Variants in RYK observed in about 807,000 individuals in gnomAD.
The protein encoded by RYK is receptor like tyrosine kinase, also known as inactive tyrosine-protein kinase RYK.
In RYK, 21 loss-of-function variants were observed where a neutral mutation model predicts 70.2. The observed-to-expected ratio is 0.30, with a 90% CI of 0.21 to 0.43. The LOEUF is 0.43. Ranked by LOEUF, RYK falls within the 20% of genes least tolerant of loss-of-function variation. The pLI is 1.00. For missense variants in RYK, 604 were observed against 753.3 expected, an observed-to-expected ratio of 0.80 and a Z score of 2.32; for synonymous variants, 267 against 278.0, an observed-to-expected ratio of 0.96 and a Z score of 0.39.
At chr3:134,194,269 A>G (rs2013743640) in intron 7 of RYK, among the ~76,000 whole-genome samples, 1 of 152,196 alleles carries the variant, frequency 6.6e-6, no homozygotes, top group Admixed American at 6.5e-5. Flanking sequence ...CACCTCTCAT[A>G]ATGAACAATT....
chr3:134,174,268 C>T (rs540823825), intron 13 of RYK, among the ~76,000 whole-genome samples: 2 of 152,074 alleles, frequency 1.3e-5, no homozygotes, highest in African/African-American at 4.8e-5. Context: ...AAGTGAACCA[C>T]GAGAGACTAT....
chr3:134,207,327 A>G, intron 5 of RYK, 145 bp downstream of exon 5: 1 of 452,932 alleles, frequency 2.2e-6, no homozygotes, highest in Non-Finnish European at 3.9e-6. Flanking sequence ...CCTATCCACC[A>G]GTCTACAAAG....
intron 9 of RYK, among the ~76,000 whole-genome samples, chr3:134,186,067 G>A (rs1321776467): frequency 6.6e-6 from 1 of 152,050 alleles, no homozygotes; most frequent in Non-Finnish European, 1.5e-5. Flanking sequence ...AAGTTACAAG[G>A]ATGCACAAAA....
At chr3:134,214,022 G>A (rs958464528) in intron 2 of RYK, among the ~76,000 whole-genome samples, 4 of 152,032 alleles carry the variant, frequency 2.6e-5, no homozygotes, top group Non-Finnish European at 4.4e-5. Context: ...GGCCAGGATG[G>A]TCTCGAACTC....
At chr3:134,206,608 A>G (rs192008664) in intron 5 of RYK, among the ~76,000 whole-genome samples, 8 of 152,310 alleles carry the variant, frequency 5.3e-5, no homozygotes, top group Admixed American at 5.2e-4. Flanking sequence ...TATATGTGAT[A>G]AATCAAAATG....
At position 134,164,772 on chromosome 3, in the gene RYK, G is replaced by A. The variant is rs147600688; in HGVS notation, c.1576-5399C>T. ...TCTAAGAGCAAAATGACTGAATATG[G>A]TACATACATATTTAACATTTTAAGA... On this transcript the variant is annotated intron_variant, in intron 13 of 14. Transcript: ENST00000623711. Among the ~76,000 whole-genome samples, 171 of 152,318 alleles carry A rather than the reference G, an allele frequency of 1.1e-3. 1 individual carries two copies. Among genetic ancestry groups the A allele is most frequent in the African/African-American group, 3.5e-3 (145 of 41,564 alleles).
intron 1 of RYK, among the ~76,000 whole-genome samples, chr3:134,243,427 A>C (rs1401568593): frequency 6.6e-6 from 1 of 152,104 alleles, no homozygotes; most frequent in East Asian, 1.9e-4. Flanking sequence ...ACTGGGGCCA[A>C]AGTTATCTTC....
intron 6 of RYK, among the ~76,000 whole-genome samples, chr3:134,197,149 C>T (rs1259387664): frequency 3.3e-5 from 5 of 152,184 alleles, no homozygotes. Context: ...TACTTTGCAA[C>T]TCAAAGAGAC....
intron 14 of RYK, among the ~76,000 whole-genome samples, chr3:134,158,817 T>C (rs556276362): frequency 8.3e-4 from 127 of 152,316 alleles, no homozygotes; most frequent in African/African-American, 2.9e-3. Context: ...GGCTTACTAG[T>C]CCAGATCATC....
chr3:134,237,442 T>C (rs915893100), intron 1 of RYK, among the ~76,000 whole-genome samples: 5 of 152,194 alleles, frequency 3.3e-5, no homozygotes, highest in African/African-American at 7.2e-5. Context: ...ATTAGATGCA[T>C]GAATGGCTGG....
chr3:134,172,447 C>G (rs1359453693), intron 13 of RYK, among the ~76,000 whole-genome samples: 1 of 152,202 alleles, frequency 6.6e-6, no homozygotes, highest in Non-Finnish European at 1.5e-5. Context: ...AGCTGGTAAA[C>G]AGTTCCAGCT....
intron 1 of RYK, among the ~76,000 whole-genome samples, chr3:134,245,771 AGAT>A (rs2015449118): frequency 6.6e-6 from 1 of 152,152 alleles, no homozygotes; most frequent in Admixed American, 6.5e-5. Context: ...CAGAGGCAGG[AGAT>A]GATGATTTCT....
intron 11 of RYK, among the ~76,000 whole-genome samples, chr3:134,176,940 C>A (rs1000359476): frequency 6.6e-6 from 1 of 151,612 alleles, no homozygotes; most frequent in Non-Finnish European, 1.5e-5. Flanking sequence ...CCCAGCTACT[C>A]GGGAGGCTGA....
chr3:134,224,056 G>C (rs2014813379), intron 1 of RYK, among the ~76,000 whole-genome samples: 1 of 152,230 alleles, frequency 6.6e-6, no homozygotes. Flanking sequence ...ACCCTACAGG[G>C]CCTGTGGGTT....
intron 6 of RYK, among the ~76,000 whole-genome samples, chr3:134,198,427 A>G (rs907794091): frequency 6.6e-6 from 1 of 152,246 alleles, no homozygotes; most frequent in Non-Finnish European, 1.5e-5. Flanking sequence ...AGATACAGCA[A>G]TGAATGCAAC....
chr3:134,250,163 G>A (rs1381291929), intron 1 of RYK, among the ~76,000 whole-genome samples: 2 of 152,156 alleles, frequency 1.3e-5, no homozygotes, highest in Non-Finnish European at 2.9e-5. Context: ...CAGTGAGGAG[G>A]ATGGGATGGG....
chr3:134,240,397 A>C (rs1002772220), intron 1 of RYK, among the ~76,000 whole-genome samples: 7 of 151,938 alleles, frequency 4.6e-5, no homozygotes, highest in African/African-American at 1.7e-4. Context: ...AATTTTTGAA[A>C]TGTTCCATAA....
At chr3:134,241,103 G>T (rs779554276) in intron 1 of RYK, among the ~76,000 whole-genome samples, 9 of 148,904 alleles carry the variant, frequency 6.0e-5, no homozygotes, top group East Asian at 3.9e-4. Context: ...GGGTTGGTGG[G>T]GGAGGGAAAT....
At chr3:134,215,988 A>G (rs1251186303) in intron 2 of RYK, among the ~76,000 whole-genome samples, 1 of 150,654 alleles carries the variant, frequency 6.6e-6, no homozygotes, top group African/African-American at 2.4e-5. Flanking sequence ...GTGAGCCAAG[A>G]TCGCACCACT....
Sources: allele counts gnomAD v4.1 joint callset (sites outside exome capture counted in the v4.1 genomes callset), GRCh38; gene constraint gnomAD v4.1.1; transcripts MANE v1.5; gene names NCBI Gene and HGNC (gene_info 2026-07-23, HGNC 2026-07-21).